ADK: variants seen among roughly 807,000 people sequenced by gnomAD.
The protein encoded by ADK is adenosine kinase.
ADK carries 24 observed loss-of-function variants against 44.7 expected under a neutral mutation model. The ratio of observed to expected loss-of-function variants is 0.54; its 90% CI spans 0.39 to 0.76. The LOEUF (loss-of-function observed/expected upper bound fraction) is 0.76, where lower values mean the gene tolerates loss of function less well. Ranked by LOEUF, ADK falls within the 30% of genes least tolerant of loss-of-function variation. The pLI, the probability that ADK is intolerant of heterozygous loss-of-function variation, is 0.00. For synonymous variants in ADK, 128 were observed against 142.6 expected, an observed-to-expected ratio of 0.90 and a Z score of 0.73; for missense variants, 321 against 425.1, an observed-to-expected ratio of 0.76 and a Z score of 2.15.
At chr10:74,438,405 T>TTA (rs1554858552) in intron 6 of ADK, among the ~76,000 whole-genome samples, 46 of 150,862 alleles carry the variant, frequency 3.0e-4, no homozygotes, top group Middle Eastern at 3.5e-3. Context: ...TTTTTTTTTT[T>TTA]ATCTTTAGTA....
chr10:74,698,658 T>C, intron 10 of ADK, among the ~76,000 whole-genome samples: 1 of 151,940 alleles, frequency 6.6e-6, no homozygotes. Flanking sequence ...GCTTGGGTGA[T>C]CCTCCCACCT....
At chr10:74,166,173 T>C (rs542690638) in intron 1 of ADK, among the ~76,000 whole-genome samples, 2 of 152,242 alleles carry the variant, frequency 1.3e-5, no homozygotes, top group South Asian at 4.1e-4. Context: ...GTTCCAACCT[T>C]AGGTGATCTG....
intron 6 of ADK, among the ~76,000 whole-genome samples, chr10:74,472,816 G>GT (rs1846652619): frequency 1.3e-5 from 2 of 152,128 alleles, no homozygotes; most frequent in South Asian, 2.1e-4. Flanking sequence ...ATATGACAGT[G>GT]TTTTTTCCAT....
chr10:74,616,442 A>G (rs1202926570), intron 9 of ADK, among the ~76,000 whole-genome samples: 1 of 152,166 alleles, frequency 6.6e-6, no homozygotes, highest in African/African-American at 2.4e-5. Flanking sequence ...TTTTGCCCAT[A>G]TGAATAACCA....
Position 74,173,427 on chromosome 10 carries a change from CTTTCTTTTTT to C in ADK, c.65+22088_65+22097del, listed in dbSNP as rs578071170. On this transcript the variant is annotated intron_variant, in intron 1 of 10. Coordinates refer to ENST00000539909, the MANE Select transcript of ADK (RefSeq NM_006721.4). ...CAAATTGAAAATTTTTTTTCTTTTTCTTTCTTTTTTTTTTTCTTTTGAGATGGAGTCTTGC... is the reference window on the plus strand; with the variant it reads ...CAAATTGAAAATTTTTTTTCTTTTTCTTTTTCTTTTGAGATGGAGTCTTGC... Among the ~76,000 whole-genome samples, 129 of 137,678 alleles carry C rather than the reference CTTTCTTTTTT, an allele frequency of 9.4e-4. 1 individual carries two copies. Among genetic ancestry groups the C allele is most frequent in the African/African-American group, 3.5e-3 (122 of 35,158 alleles). The allele number at this position is 137,678 out of a possible 152,430, so 90.3% of individuals were successfully genotyped here.
chr10:74,601,972 G>A (rs75211063), intron 9 of ADK, among the ~76,000 whole-genome samples: 2,828 of 151,074 alleles, frequency 0.019, 97 homozygotes, highest in African/African-American at 0.065. Flanking sequence ...GAGAGTAGTG[G>A]CACATGCCCA....
At chr10:74,594,383 T>TGTAGTTCTACCAAAATAATAAAGTG (rs1851823850) in intron 8 of ADK, among the ~76,000 whole-genome samples, 1 of 138,370 alleles carries the variant, frequency 7.2e-6, no homozygotes, top group African/African-American at 3.2e-5. Context: ...TCAAATGAAG[T>TGTAGTTCTACCAAAATAATAAAGTG]GTGTGTAACA....
intron 7 of ADK, among the ~76,000 whole-genome samples, chr10:74,535,604 CA>C (rs1849423306): frequency 7.7e-6 from 1 of 129,538 alleles, no homozygotes; most frequent in Admixed American, 8.4e-5. Context: ...TTTTTTGAGA[CA>C]GAGTCTTGCT....
chr10:74,404,344 C>T (rs921765640), intron 6 of ADK, among the ~76,000 whole-genome samples: 1 of 152,004 alleles, frequency 6.6e-6, no homozygotes, highest in Non-Finnish European at 1.5e-5. Flanking sequence ...CATATTTTTA[C>T]TCAGGTATTT....
chr10:74,155,936 A>G (rs978250567), intron 1 of ADK, among the ~76,000 whole-genome samples: 2 of 152,174 alleles, frequency 1.3e-5, no homozygotes, highest in Non-Finnish European at 2.9e-5. Flanking sequence ...TTTGGATGAT[A>G]TTGCATGCCT....
chr10:74,171,714 G>T (rs563515887), intron 1 of ADK, among the ~76,000 whole-genome samples: 1 of 151,996 alleles, frequency 6.6e-6, no homozygotes, highest in South Asian at 2.1e-4. Context: ...AAAAAAATAG[G>T]GTTGAAATAA....
chr10:74,420,981 C>T (rs1379511194), intron 6 of ADK, among the ~76,000 whole-genome samples: 4 of 152,130 alleles, frequency 2.6e-5, no homozygotes, highest in African/African-American at 7.2e-5. Context: ...ATACATGATA[C>T]TATGCATTTG....
At chr10:74,545,920 G>A (rs1266061261) in intron 7 of ADK, among the ~76,000 whole-genome samples, 2 of 152,244 alleles carry the variant, frequency 1.3e-5, no homozygotes, top group South Asian at 2.1e-4. Flanking sequence ...AGTCCAATTG[G>A]ATTGATAGTT....
At chr10:74,277,404 T>C (rs997107865) in intron 3 of ADK, among the ~76,000 whole-genome samples, 1 of 26,164 alleles carries the variant, frequency 3.8e-5, no homozygotes, top group African/African-American at 1.7e-4. Flanking sequence ...TTGTTTTGTT[T>C]TGTTTTTTTG....
chr10:74,624,374 A>T (rs565698046), intron 9 of ADK, among the ~76,000 whole-genome samples: 1 of 151,950 alleles, frequency 6.6e-6, no homozygotes, highest in East Asian at 1.9e-4. Context: ...GTGTTTTTAA[A>T]CCTTTCTGTG....
At chr10:74,235,374 G>A (rs978261811) in intron 3 of ADK, among the ~76,000 whole-genome samples, 17 of 151,904 alleles carry the variant, frequency 1.1e-4, no homozygotes, top group African/African-American at 3.9e-4. Flanking sequence ...TCACTCTGTC[G>A]CCTAGACTGG....
intron 9 of ADK, among the ~76,000 whole-genome samples, chr10:74,635,340 A>C (rs1853587359): frequency 6.6e-6 from 1 of 152,242 alleles, no homozygotes; most frequent in Admixed American, 6.5e-5. Context: ...TGCTGAAACA[A>C]AACTGTCAAC....
At chr10:74,516,043 A>C (rs1328226620) in intron 6 of ADK, among the ~76,000 whole-genome samples, 1 of 152,138 alleles carries the variant, frequency 6.6e-6, no homozygotes, top group Non-Finnish European at 1.5e-5. Flanking sequence ...ATGTTACAGC[A>C]GTTTGGCTCA....
rs189640943 is a variant in ADK, at chr10:74,161,167, A to G, written c.65+9824A>G. Among the ~76,000 whole-genome samples the G allele has an allele frequency of 2.3e-3, 350 of 152,286 alleles. 3 individuals carry two copies. Among genetic ancestry groups the G allele is most frequent in the African/African-American group, 7.7e-3 (320 of 41,560 alleles). ...CCTCATAACTGATCACTTCATTGCA[A>G]TATAACAGGCTCTGAATTTCTGTTG... On this transcript the variant is annotated intron_variant, in intron 1 of 10. Transcript: ENST00000539909.
Sources: allele counts gnomAD v4.1 joint callset (sites outside exome capture counted in the v4.1 genomes callset), GRCh38; gene constraint gnomAD v4.1.1; transcripts MANE v1.5; gene names NCBI Gene and HGNC (gene_info 2026-07-23, HGNC 2026-07-21).